FBXO15: variants seen among roughly 807,000 people sequenced by gnomAD.
FBXO15 encodes the protein F-box protein 15, also known as F-box only protein 15.
Under a neutral mutation model 49.5 loss-of-function variants are expected in FBXO15, and 30 were observed. The observed-to-expected ratio is 0.61, with a 90% CI of 0.45 to 0.82. The LOEUF (loss-of-function observed/expected upper bound fraction) is 0.82. Ranked by LOEUF, FBXO15 falls within the 40% of genes least tolerant of loss-of-function variation. The pLI is 0.00. For missense variants in FBXO15, 591 were observed against 631.5 expected (o/e 0.94, Z 0.69); for synonymous variants, 250 against 232.7 (o/e 1.07, Z -0.68).
chr18:74,110,665 T>C (rs562132426), intron 8 of FBXO15, among the ~76,000 whole-genome samples: 82 of 150,088 alleles, frequency 5.5e-4, no homozygotes, highest in African/African-American at 1.9e-3. Context: ...ATATTGCCTA[T>C]GAGAAACTCA....
intron 8 of FBXO15, among the ~76,000 whole-genome samples, chr18:74,083,218 G>A (rs999254422): frequency 2.4e-4 from 36 of 152,298 alleles, no homozygotes; most frequent in Middle Eastern, 3.4e-3. Flanking sequence ...CTCTAATGCT[G>A]AGTAATTAGC....
In FBXO15 at chr18:74,140,214, C is replaced by T; in HGVS notation, c.215G>A (p.Gly72Glu). 2 of 1,551,172 alleles carry T rather than the reference C, an allele frequency of 1.3e-6. No individual in the cohort carries two copies. The highest frequency in any genetic ancestry group is 1.7e-6 in the Non-Finnish European group (2 of 1,146,876). Reference protein sequence around the residue: ...HWESSFSCCSGFLDGMPSEIL... With the variant: ...HWESSFSCCSEFLDGMPSEIL... Reference sequence around the variant, plus strand: ...TTCTGCTACTTACCCATCCAGGAACCCAGAACAGCAGGAGAAAGAGCTCTC... The same window carrying T: ...TTCTGCTACTTACCCATCCAGGAACTCAGAACAGCAGGAGAAAGAGCTCTC... Residue 72 changes from glycine to glutamate, a missense_variant, in exon 2 of 10, where the codon GGG becomes GAG. By Grantham distance (98) the Gly-to-Glu change is moderately conservative. Coordinates refer to ENST00000419743, the MANE Select transcript of FBXO15 (RefSeq NM_001142958.2).
intron 8 of FBXO15, among the ~76,000 whole-genome samples, chr18:74,113,220 C>T (rs1914104060): frequency 6.6e-6 from 1 of 152,108 alleles, no homozygotes; most frequent in Non-Finnish European, 1.5e-5. Context: ...TGTATGATTC[C>T]AACCATATGA....
At chr18:74,128,660 T>C (rs540510574) in intron 5 of FBXO15, among the ~76,000 whole-genome samples, 2 of 152,328 alleles carry the variant, frequency 1.3e-5, no homozygotes, top group South Asian at 4.1e-4. Context: ...ATGCTATGCA[T>C]GCCATAATCC....
chr18:74,129,601 C>A lies in FBXO15; in HGVS notation c.589G>T (p.Gly197Cys). 2.5e-6 allele frequency: 4 copies of A among 1,609,650 alleles called. No individual in the cohort carries two copies. The highest frequency in any genetic ancestry group is 3.4e-6 in the Non-Finnish European group (4 of 1,178,940). ...TTTTCTTTCAGTATAATTGCCCAAC[C>A]TAAACCAAATATTCTGGAGAAAGAA... is the stretch of plus-strand genomic sequence containing the variant. ...TKEALRIFGL[G>C]WAIILKEKGG... Residue 197 changes from glycine to cysteine, a missense_variant, in exon 5 of 10, where the codon GGT becomes TGT. Gly to Cys is a radical substitution (Grantham distance 159, BLOSUM62 -3). Coordinates refer to ENST00000419743, the MANE Select transcript of FBXO15 (RefSeq NM_001142958.2).
intron 3 of FBXO15, among the ~76,000 whole-genome samples, chr18:74,133,678 G>C (rs1323594370): frequency 6.6e-6 from 1 of 152,216 alleles, no homozygotes; most frequent in African/African-American, 2.4e-5. Flanking sequence ...GCTATACAAG[G>C]AGCACAACAC....
chr18:74,126,225 G>C, intron 5 of FBXO15, 124 bp from the exon 6 acceptor site: 4 of 1,308,984 alleles, frequency 3.1e-6, no homozygotes, highest in African/African-American at 2.9e-5. Context: ...CTCAAACTAA[G>C]TGGCATGTTG....
intron 1 of FBXO15, 61 bp from the exon 2 acceptor site, chr18:74,140,373 C>A: frequency 7.0e-7 from 1 of 1,421,566 alleles, no homozygotes; most frequent in Non-Finnish European, 9.5e-7. Flanking sequence ...ATTATCTATT[C>A]CCTTCTACAA....
At chr18:74,128,838 C>A (rs781304713) in intron 5 of FBXO15, among the ~76,000 whole-genome samples, 6 of 152,198 alleles carry the variant, frequency 3.9e-5, no homozygotes, top group Non-Finnish European at 7.3e-5. Context: ...CTTAGCTGAT[C>A]TACGCATTTT....
At chr18:74,129,286 C>T (rs1461081239) in intron 5 of FBXO15, 119 bp downstream of exon 5, 2 of 811,682 alleles carry the variant, frequency 2.5e-6, no homozygotes, top group Non-Finnish European at 3.8e-6. Flanking sequence ...GCAGAATGTA[C>T]ATTTAATATG....
Position 74,074,523 on chromosome 18 carries a change from T to A in FBXO15, c.1264-793A>T, listed in dbSNP as rs190522248. Among the ~76,000 whole-genome samples, 144 of 152,252 alleles carry A rather than the reference T, an allele frequency of 9.5e-4. No homozygotes were observed. The highest frequency in any genetic ancestry group is 1.7e-3 in the Non-Finnish European group (118 of 68,024). ...TCCCGGAAGTGGTCCACTTTCACTATCCATGCCTCAGGCACCCTGTCTTCT... is the reference window on the plus strand; with the variant it reads ...TCCCGGAAGTGGTCCACTTTCACTAACCATGCCTCAGGCACCCTGTCTTCT... On this transcript the variant is annotated intron_variant, in intron 9 of 9. Transcript: ENST00000419743. The surrounding 1 kb of genome is among the most constrained non-coding windows in gnomAD (Gnocchi z 4.7).
chr18:74,108,470 G>A (rs1389109332), intron 8 of FBXO15, among the ~76,000 whole-genome samples: 5 of 146,206 alleles, frequency 3.4e-5, no homozygotes, highest in African/African-American at 1.3e-4. Flanking sequence ...TGAACTTAAG[G>A]ATATTTTAAT....
intron 1 of FBXO15, among the ~76,000 whole-genome samples, chr18:74,142,432 T>C (rs1221953536): frequency 1.3e-5 from 2 of 152,210 alleles, no homozygotes; most frequent in Admixed American, 1.3e-4. Flanking sequence ...CTTCACAAAC[T>C]GGGTGACTCA....
intron 8 of FBXO15, among the ~76,000 whole-genome samples, chr18:74,117,361 G>C (rs1051819688): frequency 6.6e-6 from 1 of 151,974 alleles, no homozygotes; most frequent in African/African-American, 2.4e-5. Flanking sequence ...ACCATCAAGG[G>C]GTTTATTAAC....
At chr18:74,134,513 C>A (rs895493502) in intron 3 of FBXO15, among the ~76,000 whole-genome samples, 8 of 151,514 alleles carry the variant, frequency 5.3e-5, no homozygotes, top group Admixed American at 1.3e-4. Flanking sequence ...GGACTACAGG[C>A]GCCTGCCACC....
Position 74,130,436 on chromosome 18 carries a change from A to C in FBXO15, c.555T>G (p.Val185=). The stretch of plus-strand genomic sequence containing the variant: ...CGTACCTGAGGGCCTCTTTGGTCTT[A>C]ACTGGAAGGCCTGTGTAAGGGTTGA... ...KPVNPYTGLP[V]KTKEALRIFG... is the part of the protein sequence containing the mutation. The change falls in exon 4 of 10, where the codon GTT becomes GTG. Residue 185 remains valine, a synonymous_variant. Coordinates refer to ENST00000419743, the MANE Select transcript of FBXO15 (RefSeq NM_001142958.2). 1 of 1,614,204 alleles carries C rather than the reference A, an allele frequency of 6.2e-7. No individual in the cohort carries two copies. Among genetic ancestry groups the C allele is most frequent in the Non-Finnish European group, 8.5e-7 (1 of 1,180,020 alleles).
At position 74,140,267 on chromosome 18, in the gene FBXO15, C is replaced by T. The variant is rs766259583; in HGVS notation, c.162G>A (p.Arg54=). The T allele has an allele frequency of 1.5e-5, 24 of 1,551,426 alleles. No homozygotes were observed. The highest frequency in any genetic ancestry group is 2.0e-5 in the Non-Finnish European group (23 of 1,146,962). The change falls in exon 2 of 10, where the codon AGG becomes AGA. Residue 54 remains arginine (R), a synonymous_variant. Transcript: ENST00000419743. ...VKLSAGSAAL[R]CHAGGGQHWE... is the part of the protein sequence containing the mutation. The stretch of plus-strand genomic sequence containing the variant: ...AGTGCTGTCCACCTCCGGCATGGCA[C>T]CTCAGGGCAGCAGAGCCTGCAGAAA...
intron 8 of FBXO15, among the ~76,000 whole-genome samples, chr18:74,122,306 C>T (rs899611348): frequency 5.3e-5 from 8 of 152,222 alleles, no homozygotes; most frequent in African/African-American, 1.9e-4. Context: ...CCTGCTGTCA[C>T]AGTATTGGGT....
At chr18:74,129,915 T>C (rs141164140) in intron 4 of FBXO15, among the ~76,000 whole-genome samples, 1 of 152,282 alleles carries the variant, frequency 6.6e-6, no homozygotes, top group East Asian at 1.9e-4. Flanking sequence ...GATAAGTAGG[T>C]TACTTCTGCT....
Sources: gnomAD v4.1 joint callset for allele counts (sites outside exome capture counted in the v4.1 genomes callset) on GRCh38, gnomAD v4.1.1 for gene constraint, Gnocchi (gnomAD v3.1) non-coding constraint, MANE v1.5 for transcripts, NCBI Gene and HGNC (gene_info 2026-07-23, HGNC 2026-07-21) for gene names.